SPTBN1: variants seen among roughly 807,000 people sequenced by gnomAD.
The protein encoded by SPTBN1 is spectrin beta, non-erythrocytic 1, also known as spectrin beta chain, non-erythrocytic 1.
Under a neutral mutation model 266.4 loss-of-function variants are expected in SPTBN1, and 32 were observed. The observed-to-expected ratio is 0.12, with a 90% CI of 0.09 to 0.16. The LOEUF is 0.16. Among genes scored for constraint, SPTBN1 ranks in the 10% least tolerant of loss-of-function variants. The pLI is 1.00. For missense variants in SPTBN1, 2,296 were observed against 3,067.1 expected, an observed-to-expected ratio of 0.75 and a Z score of 5.94; for synonymous variants, 1,336 against 1,162.2, an observed-to-expected ratio of 1.15 and a Z score of -3.04.
chr2:54,616,221 T>C lies in SPTBN1; in HGVS notation c.489T>C (p.Ser163=). The C allele has an allele frequency of 1.9e-6, 3 of 1,613,896 alleles. No individual in the cohort carries two copies. Among genetic ancestry groups the C allele is most frequent in the Non-Finnish European group, 2.5e-6 (3 of 1,179,832 alleles). ...IILRFQIQDI[S]VETEDNKEKK... ...GTAAATCTTAGATCCAGGATATCAG[T>C]GTGGAAACTGAAGACAACAAAGAGA... The change falls in exon 5 of 36, where the codon AGT becomes AGC. Residue 163 remains serine (S), a synonymous_variant. Coordinates refer to ENST00000356805, the MANE Select transcript of SPTBN1 (RefSeq NM_003128.3).
intron 1 of SPTBN1, among the ~76,000 whole-genome samples, chr2:54,517,722 T>G (rs1429884584): frequency 6.6e-6 from 1 of 151,512 alleles, no homozygotes; most frequent in Non-Finnish European, 1.5e-5. Context: ...CTCAGCTCAC[T>G]GCAACCTCCA....
intron 1 of SPTBN1, among the ~76,000 whole-genome samples, chr2:54,495,944 T>A (rs1668946793): frequency 6.6e-6 from 1 of 152,130 alleles, no homozygotes; most frequent in Admixed American, 6.5e-5. Flanking sequence ...TAAAGAAAAA[T>A]AGCCTTGGTC....
chr2:54,594,996 G>A (rs971657716), intron 2 of SPTBN1, among the ~76,000 whole-genome samples: 4 of 151,974 alleles, frequency 2.6e-5, no homozygotes, highest in African/African-American at 9.7e-5. Flanking sequence ...CACCACACCT[G>A]GCTAATTTTG....
At chr2:54,488,159 G>T (rs568877968) in intron 1 of SPTBN1, among the ~76,000 whole-genome samples, 24 of 152,130 alleles carry the variant, frequency 1.6e-4, no homozygotes, top group Admixed American at 7.8e-4. Flanking sequence ...AGAATTTCTA[G>T]TCACTAGGTC....
At chr2:54,596,606 C>A (rs1185665530) in intron 2 of SPTBN1, among the ~76,000 whole-genome samples, 1 of 152,162 alleles carries the variant, frequency 6.6e-6, no homozygotes, top group East Asian at 1.9e-4. Flanking sequence ...CTTCGTGGGG[C>A]CTGCTCCTGA....
intron 2 of SPTBN1, among the ~76,000 whole-genome samples, chr2:54,597,172 A>G (rs982533511): frequency 6.6e-6 from 1 of 152,246 alleles, no homozygotes; most frequent in African/African-American, 2.4e-5. Flanking sequence ...AACCCTAAAT[A>G]CATATAAACT....
At chr2:54,581,249 G>C (rs1446203246) in intron 2 of SPTBN1, among the ~76,000 whole-genome samples, 3 of 152,154 alleles carry the variant, frequency 2.0e-5, no homozygotes, top group African/African-American at 7.2e-5. Flanking sequence ...TACAAGTGTA[G>C]AATGGACAAC....
At chr2:54,625,652 G>A (rs767412208) in intron 11 of SPTBN1, among the ~76,000 whole-genome samples, 12 of 152,124 alleles carry the variant, frequency 7.9e-5, no homozygotes, top group East Asian at 1.9e-4. Context: ...GTGCAGTGGC[G>A]CAATCTCGGC....
At chr2:54,478,349 C>G (rs969689632) in intron 1 of SPTBN1, among the ~76,000 whole-genome samples, 1 of 152,082 alleles carries the variant, frequency 6.6e-6, no homozygotes, top group Non-Finnish European at 1.5e-5. Context: ...CCTCACTCTT[C>G]AAGGACCTGT....
Position 54,653,933 on chromosome 2 carries a change from C to T in SPTBN1, c.5822+80C>T, listed in dbSNP as rs1680476532. The T allele has an allele frequency of 6.4e-7, 1 of 1,559,844 alleles. No homozygotes were observed. The highest frequency in any genetic ancestry group is 8.6e-7 in the Non-Finnish European group (1 of 1,160,296). ...GGAGTCTTCCAGAGAGAAGCAGGAG[C>T]CTTGAAAGCGTTCCTGCCTGAGCGC... On this transcript the variant is annotated intron_variant, in intron 27 of 35. Coordinates refer to ENST00000356805, the MANE Select transcript of SPTBN1 (RefSeq NM_003128.3). The surrounding 1 kb of genome is among the most constrained non-coding windows in gnomAD (Gnocchi z 5.1).
intron 29 of SPTBN1, 65 bp from the exon 30 acceptor site, chr2:54,657,785 G>T: frequency 1.2e-6 from 2 of 1,600,344 alleles, no homozygotes; most frequent in African/African-American, 2.7e-5. Context: ...GTGCCAAGAG[G>T]TAAGGCCATA....
chr2:54,642,665 G>C (rs1679655364), intron 18 of SPTBN1, among the ~76,000 whole-genome samples: 1 of 152,064 alleles, frequency 6.6e-6, no homozygotes, highest in African/African-American at 2.4e-5. Flanking sequence ...TCTTGGAGTG[G>C]TTAGGGTAGA....
At chr2:54,463,708 T>C (rs1422545616) in intron 1 of SPTBN1, among the ~76,000 whole-genome samples, 1 of 152,248 alleles carries the variant, frequency 6.6e-6, no homozygotes, top group Non-Finnish European at 1.5e-5. Context: ...GACTTAATAT[T>C]ATGCTTTCTT....
In SPTBN1 at chr2:54,526,446, G is replaced by A. The variant is rs2104323808; in HGVS notation, c.28G>A (p.Asp10Asn). 1 of 1,614,216 alleles carries A rather than the reference G, an allele frequency of 6.2e-7. No homozygotes were observed. Among genetic ancestry groups the A allele is most frequent in the Non-Finnish European group, 8.5e-7 (1 of 1,180,032 alleles). ...GACGACCACAGTAGCCACAGACTAT[G>A]ACAACATTGAGATCCAGCAGCAGTA... Reference protein sequence around the residue: MTTTVATDYDNIEIQQQYSD... With the variant: MTTTVATDYNNIEIQQQYSD... Residue 10 changes from aspartate (D) to asparagine (N), a missense_variant, in exon 2 of 36, where the codon GAC becomes AAC. By Grantham distance (23) the Asp-to-Asn change is conservative (BLOSUM62 1). Around this residue, in one of 12 missense-constraint regions of SPTBN1, gnomAD observed 178 missense variants for 375.7 expected, o/e 0.47. Transcript: ENST00000356805.
At chr2:54,582,027 G>A (rs1674948779) in intron 2 of SPTBN1, among the ~76,000 whole-genome samples, 1 of 152,004 alleles carries the variant, frequency 6.6e-6, no homozygotes, top group Admixed American at 6.6e-5. Flanking sequence ...CGCTAGCTCT[G>A]GAAACCAAGG....
At chr2:54,574,266 A>G (rs988532845) in intron 2 of SPTBN1, among the ~76,000 whole-genome samples, 14 of 152,108 alleles carry the variant, frequency 9.2e-5, no homozygotes, top group Non-Finnish European at 1.9e-4. Flanking sequence ...AGGCTTGGAG[A>G]GAATGCCATA....
intron 2 of SPTBN1, among the ~76,000 whole-genome samples, chr2:54,573,605 C>T (rs1479982873): frequency 6.6e-6 from 1 of 152,198 alleles, no homozygotes; most frequent in South Asian, 2.1e-4. Flanking sequence ...TGTTCCTCCT[C>T]CCTCAGCGGG....
intron 2 of SPTBN1, among the ~76,000 whole-genome samples, chr2:54,583,308 CT>C (rs754513717): frequency 1.3e-5 from 2 of 152,142 alleles, no homozygotes; most frequent in Non-Finnish European, 2.9e-5. Flanking sequence ...ACTGTAAACT[CT>C]TTCTGCTTCT....
Position 54,473,012 on chromosome 2 carries a change from A to G in SPTBN1, c.-48+16494A>G, listed in dbSNP as rs546201058. 3.3e-5 allele frequency among the ~76,000 whole-genome samples: 5 copies of G among 152,358 alleles called. No individual in the cohort carries two copies. In the Middle Eastern group the frequency reaches 0.014, roughly 415 times the overall value. ...AACTTAAAGTCCTTTAGACGTTTAG[A>G]TTGAGACTAATTGTGATAATTTCAT... On this transcript the variant is annotated intron_variant, in intron 1 of 35. Transcript: ENST00000356805.
Sources: gnomAD v4.1 joint callset for allele counts (sites outside exome capture counted in the v4.1 genomes callset) on GRCh38, gnomAD v4.1.1 for gene constraint, gnomAD v4.1.1 regional missense constraint, Gnocchi (gnomAD v3.1) non-coding constraint, MANE v1.5 for transcripts, NCBI Gene and HGNC (gene_info 2026-07-23, HGNC 2026-07-21) for gene names.